The following ATP10A variants were observed in gnomAD, a reference collection of about 807,000 sequenced individuals.
ATP10A encodes phospholipid-transporting ATPase VA.
A neutral mutation model predicts 147.8 loss-of-function variants in ATP10A; 111 were observed. The observed-to-expected ratio is 0.75, with a 90% CI of 0.64 to 0.88. ATP10A has a LOEUF of 0.88. Ranked by LOEUF, ATP10A falls within the 40% of genes least tolerant of loss-of-function variation. ATP10A has a pLI of 0.00. For synonymous variants in ATP10A, 875 were observed against 841.6 expected, an observed-to-expected ratio of 1.04 and a Z score of -0.69; for missense variants, 1,927 against 1,959.0, an observed-to-expected ratio of 0.98 and a Z score of 0.31.
rs771074957 is a variant in ATP10A, at chr15:25,708,215, G to A, written c.2430C>T (p.Thr810=). Residue 810 remains threonine, a synonymous_variant, in exon 11 of 21, where the codon ACC becomes ACT. Coordinates refer to ENST00000555815, the MANE Select transcript of ATP10A (RefSeq NM_024490.4). ...CACTCACTCTCTTGGCGATGCACAA[G>A]GTGCGCAGGCCTTCCGCCGCATACA... ...LNVYAAEGLR[T]LCIAKRVLSK... The A allele has an allele frequency of 1.2e-6, 2 of 1,614,224 alleles. No individual in the cohort carries two copies. The highest frequency in any genetic ancestry group is 1.7e-6 in the Non-Finnish European group (2 of 1,180,046).
intron 13 of ATP10A, among the ~76,000 whole-genome samples, chr15:25,695,743 T>C (rs1900301251): frequency 6.6e-6 from 1 of 152,128 alleles, no homozygotes; most frequent in African/African-American, 2.4e-5. Flanking sequence ...ACTGTATTAT[T>C]GTGAAATTGC....
intron 15 of ATP10A, among the ~76,000 whole-genome samples, chr15:25,689,267 G>A (rs1899875506): frequency 6.6e-6 from 1 of 152,246 alleles, no homozygotes; most frequent in African/African-American, 2.4e-5. Flanking sequence ...AGCAGGATCA[G>A]AGATGTTGGG....
chr15:25,699,353 C>T (rs987013866), intron 13 of ATP10A, among the ~76,000 whole-genome samples: 5 of 152,180 alleles, frequency 3.3e-5, no homozygotes, highest in Non-Finnish European at 5.9e-5. Context: ...CAAAAGAAGA[C>T]GCTTTCAACA....
chr15:25,856,183 C>T (rs1352970716), intron 1 of ATP10A, among the ~76,000 whole-genome samples: 1 of 152,160 alleles, frequency 6.6e-6, no homozygotes, highest in African/African-American at 2.4e-5. Context: ...ATAATCCCCA[C>T]GTGTCAAGGG....
chr15:25,732,598 C>T (rs1887007745), intron 3 of ATP10A, among the ~76,000 whole-genome samples: 1 of 76,324 alleles, frequency 1.3e-5, no homozygotes, highest in Admixed American at 2.0e-4. Flanking sequence ...CTCTGTCACC[C>T]AGGCTGGAGT....
intron 2 of ATP10A, among the ~76,000 whole-genome samples, chr15:25,768,294 G>A (rs1311109950): frequency 6.6e-6 from 1 of 152,212 alleles, no homozygotes; most frequent in African/African-American, 2.4e-5. Context: ...GTGGCTCACA[G>A]TCATTACTGT....
chr15:25,857,580 T>A (rs766724659), intron 1 of ATP10A, among the ~76,000 whole-genome samples: 4 of 152,236 alleles, frequency 2.6e-5, no homozygotes, highest in Non-Finnish European at 5.9e-5. Flanking sequence ...TGCATCAGAA[T>A]GACAGAGGAG....
intron 1 of ATP10A, among the ~76,000 whole-genome samples, chr15:25,844,480 A>G (rs541573970): frequency 1.3e-5 from 2 of 152,340 alleles, no homozygotes; most frequent in East Asian, 1.9e-4. Context: ...AAATAAAGGG[A>G]TATTAATTGT....
chr15:25,767,003 T>C (rs1889060217), intron 2 of ATP10A, among the ~76,000 whole-genome samples: 1 of 152,092 alleles, frequency 6.6e-6, no homozygotes. Context: ...CCCTGCCTGG[T>C]TTCTTGGCAT....
chr15:25,711,164 C>T (rs1901392232), intron 10 of ATP10A, among the ~76,000 whole-genome samples: 1 of 152,112 alleles, frequency 6.6e-6, no homozygotes, highest in Non-Finnish European at 1.5e-5. Flanking sequence ...GCCATGGCCC[C>T]ATCCTGCTGA....
At chr15:25,809,530 C>T (rs534455697) in intron 1 of ATP10A, among the ~76,000 whole-genome samples, 27 of 152,266 alleles carry the variant, frequency 1.8e-4, no homozygotes, top group Middle Eastern at 6.8e-3. Context: ...TTACTTTATT[C>T]AAGAATGATA....
At chr15:25,861,586 T>G (rs958735017) in intron 1 of ATP10A, among the ~76,000 whole-genome samples, 3 of 152,360 alleles carry the variant, frequency 2.0e-5, no homozygotes, top group African/African-American at 7.2e-5. Flanking sequence ...GGAGCCACTC[T>G]GACCCTCCTC....
chr15:25,761,135 A>G (rs1016704074), intron 2 of ATP10A, among the ~76,000 whole-genome samples: 5 of 152,234 alleles, frequency 3.3e-5, no homozygotes, highest in African/African-American at 1.2e-4. Context: ...AACTTGGATA[A>G]ATCTCAAAAT....
At chr15:25,678,349 C>T (rs140805991), downstream of ATP10A, 4 of 152,156 alleles carry the variant, frequency 2.6e-5, no homozygotes, top group Non-Finnish European at 2.9e-5. Flanking sequence ...GTCCCGGTGC[C>T]GAGCAGAGCC....
chr15:25,849,557 C>T (rs1893188093), intron 1 of ATP10A, among the ~76,000 whole-genome samples: 1 of 152,062 alleles, frequency 6.6e-6, no homozygotes, highest in African/African-American at 2.4e-5. Flanking sequence ...TCTGGCCAGA[C>T]GCTTTACAGA....
chr15:25,862,529 C>A, intron 1 of ATP10A, 119 bp downstream of exon 1: 1 of 1,214,252 alleles, frequency 8.2e-7, no homozygotes, highest in South Asian at 1.6e-5. Context: ...GGCCCTCCAC[C>A]CTGAGTGGAG....
chr15:25,712,859 C>T (rs2140387153), intron 10 of ATP10A, among the ~76,000 whole-genome samples: 1 of 152,280 alleles, frequency 6.6e-6, no homozygotes, highest in Non-Finnish European at 1.5e-5. Flanking sequence ...TCCTCCCATC[C>T]AATTCTCCAT....
intron 2 of ATP10A, among the ~76,000 whole-genome samples, chr15:25,760,086 C>G (rs542958488): frequency 1.3e-5 from 2 of 152,004 alleles, no homozygotes; most frequent in Non-Finnish European, 2.9e-5. Flanking sequence ...CCTGCCTCAG[C>G]CTCCCTGAGT....
intron 1 of ATP10A, among the ~76,000 whole-genome samples, chr15:25,808,099 C>T (rs1242017462): frequency 1.3e-5 from 2 of 152,208 alleles, no homozygotes; most frequent in Non-Finnish European, 1.5e-5. Flanking sequence ...TCATGCTGGA[C>T]GTAATAAACG....
Sources: gnomAD v4.1 joint callset for allele counts (sites outside exome capture counted in the v4.1 genomes callset) on GRCh38, gnomAD v4.1.1 for gene constraint, MANE v1.5 for transcripts, NCBI Gene and HGNC (gene_info 2026-07-23, HGNC 2026-07-21) for gene names.